Variants in ENOX1 observed in about 807,000 individuals in gnomAD.
ENOX1 encodes candidate growth-related and time keeping constitutive hydroquinone (NADH) oxidase.
A neutral mutation model predicts 82.5 loss-of-function variants in ENOX1; 42 were observed. The observed-to-expected ratio is 0.51, with a 90% CI of 0.40 to 0.66. The LOEUF (loss-of-function observed/expected upper bound fraction) is 0.66, where lower values mean the gene tolerates loss of function less well. ENOX1 is among the 30% of genes least tolerant of loss of function. The pLI is 0.00. For synonymous variants in ENOX1, 271 were observed against 282.2 expected, an observed-to-expected ratio of 0.96 and a Z score of 0.40; for missense variants, 608 against 811.6, an observed-to-expected ratio of 0.75 and a Z score of 3.05.
At chr13:43,524,335 C>T (rs76302769) in intron 2 of ENOX1, among the ~76,000 whole-genome samples, 1,562 of 152,226 alleles carry the variant, frequency 0.01, 30 homozygotes, top group African/African-American at 0.036. Flanking sequence ...CTGCTCCACA[C>T]CTCACACACG....
At chr13:43,225,018 G>C (rs1421173426) in intron 15 of ENOX1, among the ~76,000 whole-genome samples, 1 of 152,188 alleles carries the variant, frequency 6.6e-6, no homozygotes, top group Non-Finnish European at 1.5e-5. Flanking sequence ...CATGGAATCA[G>C]CTCAGGTGCC....
At chr13:43,377,413 A>C (rs928493989) in intron 5 of ENOX1, among the ~76,000 whole-genome samples, 2 of 152,228 alleles carry the variant, frequency 1.3e-5, no homozygotes, top group African/African-American at 4.8e-5. Context: ...TCTTTTCTTT[A>C]TAAATTACCC....
chr13:43,777,619 T>G (rs559697693), intron 1 of ENOX1, among the ~76,000 whole-genome samples: 247 of 151,792 alleles, frequency 1.6e-3, no homozygotes, highest in African/African-American at 5.9e-3. Context: ...CTCGACTCAC[T>G]GCAACCTCCA....
At chr13:43,523,556 A>T (rs1401583353) in intron 2 of ENOX1, among the ~76,000 whole-genome samples, 2 of 152,188 alleles carry the variant, frequency 1.3e-5, no homozygotes, top group Admixed American at 6.6e-5. Flanking sequence ...TAACCACCCC[A>T]TTAGCAGCTA....
chr13:43,695,364 T>TAATCAC (rs200690688), intron 1 of ENOX1, among the ~76,000 whole-genome samples: 6,007 of 151,968 alleles, frequency 0.04, 111 homozygotes, highest in East Asian at 0.063. Context: ...TTAACTGACC[T>TAATCAC]AATCACAGCC....
chr13:43,493,096 A>G (rs1281782439), intron 2 of ENOX1, among the ~76,000 whole-genome samples: 2 of 151,670 alleles, frequency 1.3e-5, no homozygotes, highest in Non-Finnish European at 2.9e-5. Context: ...AGTGTCTATA[A>G]CTACATGAGC....
intron 15 of ENOX1, among the ~76,000 whole-genome samples, chr13:43,235,870 A>AC (rs2042523463): frequency 6.6e-6 from 1 of 152,174 alleles, no homozygotes; most frequent in South Asian, 2.1e-4. Flanking sequence ...TCACCTGGCA[A>AC]CCCCACACTG....
chr13:43,262,067 G>A (rs2044101834), intron 14 of ENOX1, among the ~76,000 whole-genome samples: 1 of 151,842 alleles, frequency 6.6e-6, no homozygotes, highest in South Asian at 2.1e-4. Context: ...AATCAAAAAG[G>A]TACAAAACTG....
intron 11 of ENOX1, among the ~76,000 whole-genome samples, chr13:43,302,822 C>G (rs916584612): frequency 6.6e-6 from 1 of 152,216 alleles, no homozygotes; most frequent in Admixed American, 6.5e-5. Context: ...CTTGAAATCT[C>G]TTTTACCAGC....
chr13:43,507,353 A>G (rs1383427916), intron 2 of ENOX1, among the ~76,000 whole-genome samples: 3 of 151,988 alleles, frequency 2.0e-5, no homozygotes, highest in Non-Finnish European at 2.9e-5. Context: ...ATCAATGAAG[A>G]AAAGAATCAT....
At chr13:43,220,548 T>A (rs545162553) in intron 16 of ENOX1, among the ~76,000 whole-genome samples, 2 of 152,338 alleles carry the variant, frequency 1.3e-5, no homozygotes, top group African/African-American at 4.8e-5. Context: ...GGTCATCTCC[T>A]GTTCTTCTCT....
intron 9 of ENOX1, among the ~76,000 whole-genome samples, chr13:43,338,381 T>C (rs1240354332): frequency 6.6e-6 from 1 of 152,174 alleles, no homozygotes; most frequent in African/African-American, 2.4e-5. Flanking sequence ...TGGGGAAGTT[T>C]CTGGCAAATG....
intron 3 of ENOX1, among the ~76,000 whole-genome samples, chr13:43,470,374 A>G (rs77516733): frequency 0.17 from 5,651 of 33,486 alleles, 1,758 homozygotes; most frequent in Non-Finnish European, 0.28. Context: ...ACGTATATAT[A>G]TACATATATA....
intron 2 of ENOX1, among the ~76,000 whole-genome samples, chr13:43,524,483 C>A (rs2077905621): frequency 6.6e-6 from 1 of 152,100 alleles, no homozygotes; most frequent in African/African-American, 2.4e-5. Flanking sequence ...TGAAACAAGG[C>A]CCCTCCTCAC....
Position 43,786,211 on chromosome 13 carries a change from A to G in ENOX1, c.-285+441T>C, listed in dbSNP as rs1952605087. Among the ~76,000 whole-genome samples the G allele has an allele frequency of 6.6e-6, 1 of 152,138 alleles. No individual in the cohort carries two copies. The highest frequency in any genetic ancestry group is 1.5e-5 in the Non-Finnish European group (1 of 68,002). ...CAGAGCGGGAGGGTGAAAACCTGAA[A>G]GAAGAGGGCAGCGGGAACACTGTGT... On this transcript the variant is annotated intron_variant, in intron 1 of 16. Coordinates refer to ENST00000690772, the MANE Select transcript of ENOX1 (RefSeq NM_001347969.2). The surrounding 1 kb of genome is among the most constrained non-coding windows in gnomAD (Gnocchi z 6.0).
chr13:43,640,957 A>G (rs1445137417), intron 2 of ENOX1, among the ~76,000 whole-genome samples: 1 of 151,636 alleles, frequency 6.6e-6, no homozygotes, highest in African/African-American at 2.4e-5. Context: ...AGCAAAATCA[A>G]CCTTAAGTAA....
chr13:43,623,435 C>T (rs2082830347), intron 2 of ENOX1, among the ~76,000 whole-genome samples: 1 of 152,318 alleles, frequency 6.6e-6, no homozygotes, highest in Admixed American at 6.5e-5. Context: ...TCACTGTTTC[C>T]TCTACTCCTG....
intron 2 of ENOX1, among the ~76,000 whole-genome samples, chr13:43,666,871 T>C (rs1014791354): frequency 2.0e-5 from 3 of 152,124 alleles, no homozygotes; most frequent in Non-Finnish European, 2.9e-5. Context: ...CCACGTCAGT[T>C]CTATAAAGGG....
intron 3 of ENOX1, among the ~76,000 whole-genome samples, chr13:43,420,066 T>C (rs980455309): frequency 1.3e-5 from 2 of 152,200 alleles, no homozygotes; most frequent in Admixed American, 1.3e-4. Flanking sequence ...TATCATGGTA[T>C]ATATTTACAG....
Sources: allele counts gnomAD v4.1 joint callset (sites outside exome capture counted in the v4.1 genomes callset), GRCh38; gene constraint gnomAD v4.1.1; non-coding constraint Gnocchi (gnomAD v3.1); transcripts MANE v1.5; gene names NCBI Gene and HGNC (gene_info 2026-07-23, HGNC 2026-07-21).